OSBPL10: variants seen among roughly 807,000 people sequenced by gnomAD.
The protein encoded by OSBPL10 is oxysterol-binding protein-related protein 10.
A neutral mutation model predicts 81.7 loss-of-function variants in OSBPL10; 49 were observed. That is an observed-to-expected ratio of 0.60 (90% CI 0.48 to 0.76). OSBPL10 has a LOEUF of 0.76. Ranked by LOEUF, OSBPL10 falls within the 30% of genes least tolerant of loss-of-function variation. The probability of loss-of-function intolerance (pLI) is 0.00; values close to 1 mark genes in which losing one functional copy is unlikely to be tolerated. For synonymous variants in OSBPL10, 419 were observed against 383.6 expected, an observed-to-expected ratio of 1.09 and a Z score of -1.08; for missense variants, 923 against 987.8, an observed-to-expected ratio of 0.93 and a Z score of 0.88.
At chr3:31,843,046 T>C (rs754324645) in intron 3 of OSBPL10, among the ~76,000 whole-genome samples, 10 of 152,226 alleles carry the variant, frequency 6.6e-5, no homozygotes, top group African/African-American at 2.4e-4. Context: ...CTTACACCTC[T>C]CAATCCACAT....
At position 31,933,411 on chromosome 3, in the gene OSBPL10, T is replaced by A. The variant is rs548545028; in HGVS notation, c.281+47488A>T. Among the ~76,000 whole-genome samples, 22 of 152,030 alleles carry A rather than the reference T, an allele frequency of 1.4e-4. 1 individual carries two copies. The South Asian group carries it at 2.9e-3, about 20-fold the overall frequency. ...CTTTAAGGGGGAAACAATAAATTTTTTTTTTTTTTAGGAGACAGGGTCTCT... is the reference window on the plus strand; with the variant it reads ...CTTTAAGGGGGAAACAATAAATTTTATTTTTTTTTAGGAGACAGGGTCTCT... On this transcript the variant is annotated intron_variant, in intron 1 of 11. Transcript: ENST00000396556.
chr3:32,006,147 T>A (rs1681160161), intron 2 of OSBPL10, among the ~76,000 whole-genome samples: 1 of 151,900 alleles, frequency 6.6e-6, no homozygotes, highest in Non-Finnish European at 1.5e-5. Flanking sequence ...GGTTTCACCA[T>A]GTTGGCCAGG....
At chr3:31,816,510 C>T (rs1417077283) in intron 4 of OSBPL10, among the ~76,000 whole-genome samples, 1 of 152,168 alleles carries the variant, frequency 6.6e-6, no homozygotes, top group Admixed American at 6.5e-5. Flanking sequence ...GTCCAGGATG[C>T]TTGTGATGGG....
chr3:31,998,038 C>T (rs1313306342), intron 2 of OSBPL10, among the ~76,000 whole-genome samples: 1 of 152,094 alleles, frequency 6.6e-6, no homozygotes, highest in East Asian at 1.9e-4. Context: ...AGCAGTCCTC[C>T]CGCCTCGGCC....
rs1157645686 is a variant in OSBPL10, at chr3:31,841,896, A to G, written c.538-11665T>C. On this transcript the variant is annotated intron_variant, in intron 3 of 11. Coordinates refer to ENST00000396556, the MANE Select transcript of OSBPL10 (RefSeq NM_017784.5). ...GAAACTAAGCTGTATAATTTGAAAA[A>G]TATCAATAAAAGTGAGCTGCTAAAA... Among the ~76,000 whole-genome samples, 45 of 152,352 alleles carry G rather than the reference A, an allele frequency of 3.0e-4. 1 individual carries two copies. Among genetic ancestry groups the G allele is most frequent in the Non-Finnish European group, 1.5e-5 (1 of 68,032 alleles).
At position 31,925,373 on chromosome 3, in the gene OSBPL10, G is replaced by C. The variant is rs139112640; in HGVS notation, c.282-45543C>G. 2.4e-3 allele frequency among the ~76,000 whole-genome samples: 357 copies of C among 151,762 alleles called. 2 individuals are homozygous for C. Among genetic ancestry groups the C allele is most frequent in the African/African-American group, 8.0e-3 (330 of 41,376 alleles). ...TCCACATCCCTTCCCACTCCCTAAA[G>C]TACTCTGACAATATAAGACAACTCA... On this transcript the variant is annotated intron_variant, in intron 1 of 11. Coordinates refer to ENST00000396556, the MANE Select transcript of OSBPL10 (RefSeq NM_017784.5).
At chr3:31,968,098 TTTTCTTTCTGTGTGTA>T (rs1559536402) in intron 1 of OSBPL10, among the ~76,000 whole-genome samples, 1 of 152,240 alleles carries the variant, frequency 6.6e-6, no homozygotes, top group African/African-American at 2.4e-5. Context: ...CTTTATTATT[TTTTCTTTCTGTGTGTA>T]TTTCTTTCTG....
intron 6 of OSBPL10, among the ~76,000 whole-genome samples, chr3:31,715,492 C>T (rs17028079): frequency 0.024 from 3,726 of 152,218 alleles, 141 homozygotes; most frequent in African/African-American, 0.085. Context: ...TGGGATCACT[C>T]GAACGTTACT....
At chr3:31,729,290 C>A (rs943645946) in intron 6 of OSBPL10, among the ~76,000 whole-genome samples, 1 of 152,068 alleles carries the variant, frequency 6.6e-6, no homozygotes, top group South Asian at 2.1e-4. Flanking sequence ...GTGCCAAGAG[C>A]CCAACCAGTC....
Position 31,662,083 on chromosome 3 carries a change from T to G in OSBPL10, c.2284A>C (p.Lys762Gln), listed in dbSNP as rs764731911. Residue 762 changes from lysine (K) to glutamine (Q), a missense_variant, in exon 12 of 12, where the codon AAA becomes CAA. By Grantham distance (53) the Lys-to-Gln change is moderately conservative (BLOSUM62 1). Around this residue, in one of 3 missense-constraint regions of OSBPL10, gnomAD observed 387 missense variants for 436.3 expected, o/e 0.89. Transcript: ENST00000396556. ...GCACCTCCACCCCATCAGTGTGCTT[T>G]CCAGAGGGGATTGAAGTATACCCAG... is the stretch of plus-strand genomic sequence containing the variant. ...DGWVYFNPLW[K>Q]AH The G allele has an allele frequency of 3.7e-5, 59 of 1,613,928 alleles. No homozygotes were observed. The highest frequency in any genetic ancestry group is 4.7e-5 in the Non-Finnish European group (55 of 1,179,980).
intron 4 of OSBPL10, among the ~76,000 whole-genome samples, chr3:31,802,549 CAAAAAAAA>C (rs746823677): frequency 8.4e-5 from 8 of 95,006 alleles, no homozygotes; most frequent in African/African-American, 1.7e-4. Context: ...GCCTGGGTAT[CAAAAAAAA>C]AAAAAAAAAA....
chr3:31,769,753 C>T (rs1038359582), intron 4 of OSBPL10, among the ~76,000 whole-genome samples: 29 of 152,214 alleles, frequency 1.9e-4, no homozygotes, highest in Admixed American at 1.5e-3. Context: ...AACCCCACCT[C>T]ACCCACTTCT....
intron 4 of OSBPL10, among the ~76,000 whole-genome samples, chr3:31,784,664 C>T (rs2125779278): frequency 6.8e-6 from 1 of 147,506 alleles, no homozygotes; most frequent in South Asian, 2.2e-4. Context: ...CTCACTGCAA[C>T]CTCCACCTCC....
chr3:31,663,728 A>G (rs1026280372), intron 11 of OSBPL10: 3 of 1,147,990 alleles, frequency 2.6e-6, no homozygotes, highest in South Asian at 4.3e-5. Context: ...GTTACTAAAG[A>G]TGATCTAACA....
At chr3:31,783,122 T>C (rs1338760994) in intron 4 of OSBPL10, among the ~76,000 whole-genome samples, 2 of 20,886 alleles carry the variant, frequency 9.6e-5, no homozygotes, top group African/African-American at 2.6e-4. Context: ...TATATATATA[T>C]ATATATATAT....
chr3:31,755,687 T>C (rs990866863), intron 4 of OSBPL10, among the ~76,000 whole-genome samples: 7 of 152,198 alleles, frequency 4.6e-5, no homozygotes, highest in Admixed American at 3.3e-4. Flanking sequence ...AAAAGAGTGG[T>C]TGAAAGGACA....
intron 1 of OSBPL10, among the ~76,000 whole-genome samples, chr3:31,882,271 C>T (rs1321726959): frequency 1.3e-5 from 2 of 152,174 alleles, no homozygotes; most frequent in African/African-American, 4.8e-5. Flanking sequence ...ATCTATTTTA[C>T]TCTTCTTCCC....
At chr3:31,738,879 G>A (rs1406803030) in intron 5 of OSBPL10, among the ~76,000 whole-genome samples, 1 of 151,852 alleles carries the variant, frequency 6.6e-6, no homozygotes, top group Non-Finnish European at 1.5e-5. Context: ...GCAGAATTAA[G>A]AACTCAAGAA....
intron 1 of OSBPL10, among the ~76,000 whole-genome samples, chr3:31,898,976 T>C (rs1696147849): frequency 8.8e-6 from 1 of 113,950 alleles, no homozygotes; most frequent in South Asian, 3.2e-4. Context: ...TTTTTTTTTT[T>C]TTTGAGACAG....
Sources: gnomAD v4.1 joint callset for allele counts (sites outside exome capture counted in the v4.1 genomes callset) on GRCh38, gnomAD v4.1.1 for gene constraint, gnomAD v4.1.1 regional missense constraint, MANE v1.5 for transcripts, NCBI Gene and HGNC (gene_info 2026-07-23, HGNC 2026-07-21) for gene names.